The following KPNA1 variants were observed in gnomAD, a reference collection of about 807,000 sequenced individuals.
The protein encoded by KPNA1 is karyopherin subunit alpha 1.
In KPNA1, 10 loss-of-function variants were observed where a neutral mutation model predicts 70.5. That is an observed-to-expected ratio of 0.14 (90% CI 0.09 to 0.24). The LOEUF is 0.24. KPNA1 is among the 10% of genes least tolerant of loss of function. The pLI, the probability that KPNA1 is intolerant of heterozygous loss-of-function variation, is 1.00. For missense variants in KPNA1, 397 were observed against 637.9 expected (o/e 0.62, Z 4.07); for synonymous variants, 192 against 221.9 (o/e 0.87, Z 1.20).
intron 1 of KPNA1, among the ~76,000 whole-genome samples, chr3:122,498,170 G>C (rs1213926656): frequency 1.3e-5 from 2 of 152,172 alleles, no homozygotes; most frequent in African/African-American, 4.8e-5. Flanking sequence ...ACCTGCTATA[G>C]ACTGAATGTG....
chr3:122,494,687 C>G (rs539131476), intron 2 of KPNA1, among the ~76,000 whole-genome samples: 2 of 151,966 alleles, frequency 1.3e-5, no homozygotes, highest in Non-Finnish European at 2.9e-5. Flanking sequence ...GGTAATTGGA[C>G]AGAAATTGCA....
intron 2 of KPNA1, among the ~76,000 whole-genome samples, chr3:122,489,285 GTTTTT>G: frequency 9.1e-6 from 1 of 109,558 alleles, no homozygotes; most frequent in African/African-American, 2.9e-5. Flanking sequence ...TACTTTGTTT[GTTTTT>G]TTTTGTTTGT....
At chr3:122,457,605 C>T (rs955350302) in intron 5 of KPNA1, 2 of 839,614 alleles carry the variant, frequency 2.4e-6, no homozygotes, top group Non-Finnish European at 3.2e-6. Flanking sequence ...AATAAGGCTA[C>T]ACCTGAAATC....
intron 2 of KPNA1, among the ~76,000 whole-genome samples, chr3:122,490,411 T>C (rs1177878938): frequency 6.6e-6 from 1 of 152,260 alleles, no homozygotes; most frequent in East Asian, 1.9e-4. Context: ...GCTGTTTTCA[T>C]GTATTTTATC....
chr3:122,462,507 T>C (rs539622526), intron 4 of KPNA1, among the ~76,000 whole-genome samples: 1 of 152,084 alleles, frequency 6.6e-6, no homozygotes, highest in African/African-American at 2.4e-5. Context: ...TATTGGATTC[T>C]AGTTATCACA....
At position 122,453,847 on chromosome 3, in the gene KPNA1, G is replaced by C. The variant is rs1560029648; in HGVS notation, c.564+23C>G. ...CCCAGCCAAAAACTTTCTTTCACCTGCTTCTTTTTGTTTCATTTTTACCTG... is the reference window on the plus strand; with the variant it reads ...CCCAGCCAAAAACTTTCTTTCACCTCCTTCTTTTTGTTTCATTTTTACCTG... On this transcript the variant is annotated intron_variant, in intron 6 of 13. Transcript: ENST00000344337. The C allele has an allele frequency of 4.4e-6, 7 of 1,581,262 alleles. No homozygotes were observed. The East Asian group carries it at 1.6e-4, about 36-fold the overall frequency.
intron 4 of KPNA1, among the ~76,000 whole-genome samples, chr3:122,463,468 C>G (rs1490550801): frequency 6.6e-6 from 1 of 151,064 alleles, no homozygotes; most frequent in Non-Finnish European, 1.5e-5. Flanking sequence ...TTGCAGTGAG[C>G]CAAGATCGCG....
At chr3:122,485,111 G>T (rs1025835590) in intron 2 of KPNA1, among the ~76,000 whole-genome samples, 2 of 151,904 alleles carry the variant, frequency 1.3e-5, no homozygotes, top group African/African-American at 4.8e-5. Context: ...ATGGTGTCTC[G>T]CCACCTTACC....
intron 3 of KPNA1, among the ~76,000 whole-genome samples, chr3:122,466,871 C>T (rs1341112039): frequency 6.6e-6 from 1 of 152,016 alleles, no homozygotes. Context: ...CATGGTGGCA[C>T]ATGCCTGTAG....
At chr3:122,427,239 T>C in intron 13 of KPNA1, 67 bp from the exon 14 acceptor site, 1 of 1,153,742 alleles carries the variant, frequency 8.7e-7, no homozygotes, top group Non-Finnish European at 1.3e-6. Context: ...TCCATAACTA[T>C]ATATTCCTAA....
intron 2 of KPNA1, among the ~76,000 whole-genome samples, chr3:122,472,525 A>C (rs1396652932): frequency 6.6e-6 from 1 of 152,210 alleles, no homozygotes; most frequent in Non-Finnish European, 1.5e-5. Flanking sequence ...ACCTTAAAAA[A>C]AACAGAAAAA....
chr3:122,449,812 A>AAC, intron 8 of KPNA1, 75 bp from the exon 9 acceptor site: 1 of 1,234,130 alleles, frequency 8.1e-7, no homozygotes, highest in Non-Finnish European at 1.1e-6. Context: ...TCAAGAAGGC[A>AAC]ACCAGGCATG....
chr3:122,513,912 C>G (rs1041501784), intron 1 of KPNA1, among the ~76,000 whole-genome samples: 3 of 152,114 alleles, frequency 2.0e-5, no homozygotes, highest in African/African-American at 7.2e-5. Flanking sequence ...AAAATACAAA[C>G]AAAAACTCGG....
chr3:122,498,645 T>C (rs1037669557), intron 1 of KPNA1, among the ~76,000 whole-genome samples: 2 of 152,234 alleles, frequency 1.3e-5, no homozygotes, highest in African/African-American at 4.8e-5. Flanking sequence ...ACTGTCTTGG[T>C]TACCATTGCT....
intron 9 of KPNA1, among the ~76,000 whole-genome samples, chr3:122,448,248 G>C (rs1479286040): frequency 6.6e-6 from 1 of 152,034 alleles, no homozygotes. Flanking sequence ...CCCACTACTG[G>C]GTATATACCC....
At chr3:122,443,185 G>A (rs73190110) in intron 9 of KPNA1, 3,436 of 152,492 alleles carry the variant, frequency 0.023, 96 homozygotes, top group East Asian at 0.12. Context: ...CCATGCCCAT[G>A]CAGCCTTGCT....
intron 1 of KPNA1, among the ~76,000 whole-genome samples, chr3:122,503,498 C>T (rs1053731474): frequency 3.9e-5 from 6 of 152,122 alleles, no homozygotes; most frequent in Admixed American, 3.9e-4. Flanking sequence ...TGAAGCCTAG[C>T]CTTCCACAAG....
intron 2 of KPNA1, among the ~76,000 whole-genome samples, chr3:122,486,525 T>G (rs2076630700): frequency 6.6e-6 from 1 of 152,214 alleles, no homozygotes; most frequent in Non-Finnish European, 1.5e-5. Flanking sequence ...GGTGATGGTT[T>G]TCACAGACTG....
intron 9 of KPNA1, among the ~76,000 whole-genome samples, 163 bp from the exon 10 acceptor site, chr3:122,442,279 G>C (rs1039405636): frequency 1.3e-5 from 2 of 152,146 alleles, no homozygotes; most frequent in Non-Finnish European, 2.9e-5. Flanking sequence ...TGGAATGTCT[G>C]GTGTTCCCTA....
Sources: gnomAD v4.1 joint callset for allele counts (sites outside exome capture counted in the v4.1 genomes callset) on GRCh38, gnomAD v4.1.1 for gene constraint, MANE v1.5 for transcripts, NCBI Gene and HGNC (gene_info 2026-07-23, HGNC 2026-07-21) for gene names.